HMCN1: variants seen among roughly 807,000 people sequenced by gnomAD.
The protein encoded by HMCN1 is hemicentin 1.
Under a neutral mutation model 625.9 loss-of-function variants are expected in HMCN1, and 321 were observed. The observed-to-expected ratio is 0.51, with a 90% CI of 0.47 to 0.56. HMCN1 has a LOEUF of 0.56. HMCN1 is among the 20% of genes least tolerant of loss of function. The pLI is 0.00. For missense variants in HMCN1, 6,588 were observed against 6,887.3 expected, an observed-to-expected ratio of 0.96 and a Z score of 1.54; for synonymous variants, 2,425 against 2,417.6, an observed-to-expected ratio of 1.00 and a Z score of -0.09.
At chr1:186,177,790 C>T (rs765898681) in intron 103 of HMCN1, among the ~76,000 whole-genome samples, 18 of 151,630 alleles carry the variant, frequency 1.2e-4, no homozygotes, top group Non-Finnish European at 2.4e-4. Context: ...CAAATGTACA[C>T]GTATGATTGT....
At chr1:185,736,269 C>A (rs966448156) in intron 1 of HMCN1, among the ~76,000 whole-genome samples, 2 of 152,020 alleles carry the variant, frequency 1.3e-5, no homozygotes, top group Non-Finnish European at 2.9e-5. Context: ...CACACACATA[C>A]ACATACATAC....
At chr1:185,839,607 C>T (rs1300557844) in intron 1 of HMCN1, among the ~76,000 whole-genome samples, 1 of 152,092 alleles carries the variant, frequency 6.6e-6, no homozygotes, top group Non-Finnish European at 1.5e-5. Flanking sequence ...TGCAAGAGGG[C>T]TTTCTGCTGC....
intron 87 of HMCN1, 130 bp downstream of exon 87, chr1:186,137,067 A>C (rs1195144428): frequency 1.8e-6 from 2 of 1,107,514 alleles, no homozygotes; most frequent in African/African-American, 3.1e-5. Flanking sequence ...GAGAGGACAA[A>C]ATCATCAAAA....
rs186578854 is a variant in HMCN1, at chr1:185,824,567, T to C, written c.269-21459T>C. ...GCTCTGGTTAGATTATCGGGGAGAA[T>C]GGACACTATATTGGTTGTAGGCATA... On this transcript the variant is annotated intron_variant, in intron 1 of 106. Transcript: ENST00000271588. 1.6e-3 allele frequency among the ~76,000 whole-genome samples: 242 copies of C among 152,248 alleles called. 3 individuals carry two copies. Among genetic ancestry groups the C allele is most frequent in the Middle Eastern group, 3.4e-3 (1 of 294 alleles).
At chr1:186,042,996 T>C (rs1408312424) in intron 40 of HMCN1, among the ~76,000 whole-genome samples, 2 of 152,136 alleles carry the variant, frequency 1.3e-5, no homozygotes, top group African/African-American at 4.8e-5. Context: ...ATTCAGAGTA[T>C]GTTTTGCCAT....
chr1:185,854,248 G>C (rs1318967464), intron 2 of HMCN1, among the ~76,000 whole-genome samples: 1 of 152,108 alleles, frequency 6.6e-6, no homozygotes, highest in Non-Finnish European at 1.5e-5. Flanking sequence ...TCCAAACTGG[G>C]TAGGAGCAGT....
chr1:185,854,398 C>T (rs536413925), intron 2 of HMCN1, among the ~76,000 whole-genome samples: 13 of 152,226 alleles, frequency 8.5e-5, no homozygotes, highest in Middle Eastern at 3.4e-3. Flanking sequence ...TTCCAGCAAC[C>T]TGTCAGTACC....
In HMCN1 at chr1:185,951,801, T is replaced by C. The variant is rs867778889; in HGVS notation, c.1829-10717T>C. On this transcript the variant is annotated intron_variant, in intron 11 of 106. Coordinates refer to ENST00000271588, the MANE Select transcript of HMCN1 (RefSeq NM_031935.3). ...AGGAGGTTCTGGAGGAACGCCTGGC[T>C]GCTGCGGTTCAGGCATTTGGAAGTT... 9.8e-3 allele frequency among the ~76,000 whole-genome samples: 1,441 copies of C among 146,904 alleles called. 37 individuals carry two copies. Among genetic ancestry groups the C allele is most frequent in the African/African-American group, 0.035 (1,305 of 37,092 alleles).
At chr1:185,826,714 C>G (rs970318658) in intron 1 of HMCN1, among the ~76,000 whole-genome samples, 21 of 152,108 alleles carry the variant, frequency 1.4e-4, no homozygotes, top group African/African-American at 5.1e-4. Flanking sequence ...AGAAAACCAT[C>G]TCAACTACCA....
intron 100 of HMCN1, among the ~76,000 whole-genome samples, chr1:186,167,836 A>ATAAT (rs1401221323): frequency 1.3e-5 from 2 of 152,170 alleles, no homozygotes; most frequent in Admixed American, 1.3e-4. Flanking sequence ...TAATTGCTCA[A>ATAAT]TAATAAATAT....
At chr1:186,073,882 G>A (rs891002366) in intron 52 of HMCN1, among the ~76,000 whole-genome samples, 2 of 151,952 alleles carry the variant, frequency 1.3e-5, no homozygotes, top group Non-Finnish European at 2.9e-5. Context: ...TTATGAAGGA[G>A]CATAGTTATT....
intron 22 of HMCN1, among the ~76,000 whole-genome samples, 169 bp from the exon 23 acceptor site, chr1:185,993,013 G>A (rs1281971854): frequency 2.6e-5 from 4 of 152,100 alleles, no homozygotes; most frequent in African/African-American, 9.7e-5. Flanking sequence ...TCATACACAA[G>A]ATAATTATGA....
rs936317891 is a variant in HMCN1, at chr1:185,891,671, G to A, written c.622-17666G>A. On this transcript the variant is annotated intron_variant, in intron 4 of 106. Coordinates refer to ENST00000271588, the MANE Select transcript of HMCN1 (RefSeq NM_031935.3). The stretch of plus-strand genomic sequence containing the variant: ...TCTTCTGGCTTGTAGAGTTTCTGCC[G>A]AGAGATCCGCTGTTAGTCTGATGGG... Among the ~76,000 whole-genome samples, 9 of 148,090 alleles carry A rather than the reference G, an allele frequency of 6.1e-5. 1 individual carries two copies. Among genetic ancestry groups the A allele is most frequent in the South Asian group, 2.1e-4 (1 of 4,810 alleles).
chr1:186,112,838 T>C lies in HMCN1; in HGVS notation c.11016T>C (p.Ser3672=). The C allele has an allele frequency of 6.2e-7, 1 of 1,614,200 alleles. No individual in the cohort carries two copies. Among genetic ancestry groups the C allele is most frequent in the Non-Finnish European group, 8.5e-7 (1 of 1,180,012 alleles). The part of the protein sequence containing the change: ...LQATPRVRIL[S]GGRYLQINNA... ...CAACACCTCGAGTGCGAATCCTATCTGGAGGGAGATACTTGCAAATCAACA... is the reference window on the plus strand; with the variant it reads ...CAACACCTCGAGTGCGAATCCTATCCGGAGGGAGATACTTGCAAATCAACA... Residue 3672 remains serine, a synonymous_variant, in exon 72 of 107, where the codon TCT becomes TCC. Coordinates refer to ENST00000271588, the MANE Select transcript of HMCN1 (RefSeq NM_031935.3).
At chr1:186,108,020 GACA>G (rs1391733610) in intron 70 of HMCN1, among the ~76,000 whole-genome samples, 264 of 116,358 alleles carry the variant, frequency 2.3e-3, no homozygotes, top group Non-Finnish European at 3.3e-3. Context: ...CAAATTAATT[GACA>G]CGTAAATTCT....
chr1:185,823,050 T>C (rs1291929590), intron 1 of HMCN1, among the ~76,000 whole-genome samples: 1 of 152,172 alleles, frequency 6.6e-6, no homozygotes, highest in Non-Finnish European at 1.5e-5. Flanking sequence ...ATGAAAGTTA[T>C]ATGGGATATT....
chr1:185,880,844 A>G (rs146530417), intron 4 of HMCN1, among the ~76,000 whole-genome samples: 134 of 152,364 alleles, frequency 8.8e-4, no homozygotes, highest in African/African-American at 3.1e-3. Context: ...TAAATGGAAG[A>G]AGAAAGGAGT....
At chr1:185,763,061 A>C (rs1038894969) in intron 1 of HMCN1, among the ~76,000 whole-genome samples, 2 of 152,154 alleles carry the variant, frequency 1.3e-5, no homozygotes, top group Non-Finnish European at 2.9e-5. Context: ...GATTGTCCAG[A>C]AAAGGGCAGC....
chr1:185,859,087 GAT>G (rs1179798464), intron 2 of HMCN1, among the ~76,000 whole-genome samples: 4 of 137,684 alleles, frequency 2.9e-5, no homozygotes, highest in Admixed American at 7.3e-5. Flanking sequence ...GATAAAGTTT[GAT>G]ATATGTGTGT....
Sources: allele counts gnomAD v4.1 joint callset (sites outside exome capture counted in the v4.1 genomes callset), GRCh38; gene constraint gnomAD v4.1.1; transcripts MANE v1.5; gene names NCBI Gene and HGNC (gene_info 2026-07-23, HGNC 2026-07-21).